The following DZIP3 variants were observed in gnomAD, a reference collection of about 807,000 sequenced individuals.
DZIP3 encodes DAZ interacting zinc finger protein 3.
In DZIP3, 118 loss-of-function variants were observed where a neutral mutation model predicts 162.0. The ratio of observed to expected loss-of-function variants is 0.73; its 90% CI spans 0.63 to 0.85. The LOEUF is 0.85. Ranked by LOEUF, DZIP3 falls within the 40% of genes least tolerant of loss-of-function variation. The pLI is 0.00. For missense variants in DZIP3, 1,331 were observed against 1,407.0 expected (o/e 0.95, Z 0.86); for synonymous variants, 438 against 458.6 (o/e 0.96, Z 0.57).
intron 5 of DZIP3, among the ~76,000 whole-genome samples, chr3:108,621,568 C>T (rs1275371926): frequency 6.6e-6 from 1 of 152,170 alleles, no homozygotes; most frequent in Non-Finnish European, 1.5e-5. Context: ...CTATTGCCCA[C>T]TTAGGTTAAA....
At chr3:108,589,639 A>G (rs1939261126), upstream of DZIP3, 3 of 334,382 alleles carry the variant, frequency 9.0e-6, no homozygotes, top group African/African-American at 6.4e-5. Flanking sequence ...AGAGGCCGCG[A>G]GGTTTCGGCC....
intron 4 of DZIP3, among the ~76,000 whole-genome samples, chr3:108,613,036 T>A (rs1940805612): frequency 6.6e-6 from 1 of 152,148 alleles, no homozygotes; most frequent in Non-Finnish European, 1.5e-5. Flanking sequence ...TGAATTTGTG[T>A]TTTAGTAAGT....
At chr3:108,612,923 A>G (rs1411114838) in intron 4 of DZIP3, among the ~76,000 whole-genome samples, 2 of 152,174 alleles carry the variant, frequency 1.3e-5, no homozygotes, top group Non-Finnish European at 2.9e-5. Context: ...AGAAATGTAC[A>G]AGATAAACTA....
chr3:108,687,675 A>C (rs187084014), intron 28 of DZIP3, among the ~76,000 whole-genome samples: 1 of 152,356 alleles, frequency 6.6e-6, no homozygotes, highest in Non-Finnish European at 1.5e-5. Flanking sequence ...GGATAAACTT[A>C]ATTTTCACCT....
chr3:108,660,725 T>C (rs1173453250), intron 19 of DZIP3, among the ~76,000 whole-genome samples: 2 of 152,076 alleles, frequency 1.3e-5, no homozygotes, highest in African/African-American at 4.8e-5. Flanking sequence ...GAGAAAATTT[T>C]TGCAACCTAC....
Position 108,661,903 on chromosome 3 carries a change from C to T in DZIP3, c.2226C>T (p.Asp742=). 6.2e-7 allele frequency: 1 copy of T among 1,613,836 alleles called. No homozygotes were observed. Among genetic ancestry groups the T allele is most frequent in the Non-Finnish European group, 8.5e-7 (1 of 1,179,882 alleles). ...EQGSAGKVTT[D]YGETEKERLA... ...GCTCAGCTGGCAAAGTAACTACAGA[C>T]TATGGAGAAACTGAAAAGGAAAGGC... The change falls in exon 20 of 33, where the codon GAC becomes GAT. Residue 742 remains aspartate, a synonymous_variant. Coordinates refer to ENST00000361582, the MANE Select transcript of DZIP3 (RefSeq NM_014648.4).
chr3:108,690,654 T>G, intron 31 of DZIP3, 133 bp from the exon 32 acceptor site: 1 of 743,460 alleles, frequency 1.3e-6, no homozygotes, highest in Non-Finnish European at 2.2e-6. Context: ...CAGCAATTGG[T>G]TTGACGATCC....
chr3:108,684,265 C>T lies in DZIP3; in HGVS notation c.2933C>T (p.Pro978Leu), dbSNP rs1944422308. Reference protein sequence around the residue: ...RPLVKESFFRPILTVPQMPAV... With the variant: ...RPLVKESFFRLILTVPQMPAV... The stretch of plus-strand genomic sequence containing the variant: ...CTTGTGAAAGAATCTTTCTTTAGAC[C>T]CATACTTACTGTTCCTCAAATGCCT... Residue 978 changes from proline (P) to leucine (L), a missense_variant, in exon 27 of 33, where the codon CCC becomes CTC. Pro to Leu is a moderately conservative substitution (Grantham distance 98). Transcript: ENST00000361582. 6.2e-7 allele frequency: 1 copy of T among 1,612,728 alleles called. No homozygotes were observed. Among genetic ancestry groups the T allele is most frequent in the Non-Finnish European group, 8.5e-7 (1 of 1,179,292 alleles).
Position 108,669,751 on chromosome 3 carries a change from T to C in DZIP3, c.2492+2T>C. ...TAAAGAGCAACTTTCTATGAAAAGG[T>C]ACAAACTTAGCTTTTTCTTTGGGTG... is the stretch of plus-strand genomic sequence containing the variant. On this transcript the variant is annotated splice_donor_variant, in intron 22 of 32. Transcript: ENST00000361582. LOFTEE classifies it high-confidence loss of function. The C allele has an allele frequency of 6.2e-7, 1 of 1,608,438 alleles. No individual in the cohort carries two copies. Among genetic ancestry groups the C allele is most frequent in the Non-Finnish European group, 8.5e-7 (1 of 1,176,098 alleles).
At chr3:108,607,450 A>T (rs977968725) in intron 2 of DZIP3, among the ~76,000 whole-genome samples, 2 of 152,180 alleles carry the variant, frequency 1.3e-5, no homozygotes, top group Non-Finnish European at 2.9e-5. Context: ...ACCCTATATT[A>T]TGGTGCCTTT....
intron 10 of DZIP3, among the ~76,000 whole-genome samples, chr3:108,635,826 A>G (rs976622104): frequency 7.9e-5 from 12 of 151,592 alleles, no homozygotes; most frequent in African/African-American, 1.7e-4. Context: ...GTGTGGTTCT[A>G]TAGTGTTTAC....
intron 27 of DZIP3, among the ~76,000 whole-genome samples, chr3:108,685,490 G>T (rs902346954): frequency 6.6e-6 from 1 of 152,188 alleles, no homozygotes; most frequent in Non-Finnish European, 1.5e-5. Context: ...CATAAAAGGT[G>T]CAAGTGGTCA....
chr3:108,604,560 A>G (rs775056203), intron 1 of DZIP3, among the ~76,000 whole-genome samples: 1 of 152,140 alleles, frequency 6.6e-6, no homozygotes, highest in East Asian at 1.9e-4. Context: ...CTTTGTTTTC[A>G]TTTGTGTTGC....
chr3:108,605,289 A>G (rs755206754), intron 1 of DZIP3, 46 bp from the exon 2 acceptor site: 3 of 1,314,686 alleles, frequency 2.3e-6, no homozygotes, highest in East Asian at 2.4e-5. Flanking sequence ...GTGGGGAGAA[A>G]GAGTGTAACT....
intron 19 of DZIP3, among the ~76,000 whole-genome samples, chr3:108,657,876 A>C (rs1943212883): frequency 1.3e-5 from 2 of 152,312 alleles, no homozygotes; most frequent in South Asian, 4.2e-4. Flanking sequence ...ACCAACAAAG[A>C]TCAAAAGAGA....
chr3:108,636,797 A>AT lies in DZIP3; in HGVS notation c.1011+90dup, dbSNP rs2107618042. The AT allele has an allele frequency of 7.8e-6, 7 of 893,770 alleles. No individual in the cohort carries two copies. The Admixed American group carries it at 7.9e-5, about 10-fold the overall frequency. The allele number at this position is 893,770 out of a possible 1,614,324, so 55.4% of individuals were successfully genotyped here. A position where few individuals can be genotyped will look rare whatever the true frequency, so the allele number is the denominator to read the frequency against. Reference sequence around the variant, plus strand: ...ACTTGAAACAGACCTGGGGATCATCATAATTAGATTCCAGCCATATTGCCT... The same window carrying AT: ...ACTTGAAACAGACCTGGGGATCATCATTAATTAGATTCCAGCCATATTGCCT... On this transcript the variant is annotated intron_variant, in intron 11 of 32. Transcript: ENST00000361582.
chr3:108,690,141 A>G (rs1024332602), intron 31 of DZIP3, among the ~76,000 whole-genome samples: 1 of 152,194 alleles, frequency 6.6e-6, no homozygotes, highest in Non-Finnish European at 1.5e-5. Flanking sequence ...TAGAAAGCAT[A>G]TAATTCATTC....
intron 23 of DZIP3, among the ~76,000 whole-genome samples, chr3:108,673,335 G>A (rs1040624627): frequency 6.6e-6 from 1 of 151,910 alleles, no homozygotes; most frequent in Non-Finnish European, 1.5e-5. Flanking sequence ...CCAAAAATTC[G>A]TGAAGAATAC....
intron 9 of DZIP3, among the ~76,000 whole-genome samples, chr3:108,634,256 G>A (rs1251866534): frequency 1.3e-5 from 2 of 152,080 alleles, no homozygotes; most frequent in Non-Finnish European, 2.9e-5. Flanking sequence ...TGGTCCTAAG[G>A]TTTCTCAAGA....
Sources: gnomAD v4.1 joint callset for allele counts (sites outside exome capture counted in the v4.1 genomes callset) on GRCh38, gnomAD v4.1.1 for gene constraint, MANE v1.5 for transcripts, NCBI Gene and HGNC (gene_info 2026-07-23, HGNC 2026-07-21) for gene names.